DCC: variants seen among roughly 807,000 people sequenced by gnomAD.
DCC encodes netrin receptor DCC.
Under a neutral mutation model 172.5 loss-of-function variants are expected in DCC, and 58 were observed. The ratio of observed to expected loss-of-function variants is 0.34; its 90% confidence interval spans 0.27 to 0.42. The LOEUF is 0.42. Ranked by LOEUF, DCC falls within the 10% of genes least tolerant of loss-of-function variation. The pLI is 1.00. For synonymous variants in DCC, 709 were observed against 644.5 expected (o/e 1.10, Z -1.52); for missense variants, 1,740 against 1,791.0 (o/e 0.97, Z 0.51).
intron 27 of DCC, among the ~76,000 whole-genome samples, chr18:53,503,693 T>G (rs147907542): frequency 6.6e-6 from 1 of 152,292 alleles, no homozygotes; most frequent in East Asian, 1.9e-4. Flanking sequence ...TGAACCTGGG[T>G]TAGGAGACCA....
chr18:53,316,750 C>A (rs1036626714), intron 13 of DCC, among the ~76,000 whole-genome samples: 1 of 152,028 alleles, frequency 6.6e-6, no homozygotes, highest in Non-Finnish European at 1.5e-5. Context: ...TATGGTTAGG[C>A]TATTATCGGT....
At chr18:52,527,887 A>T (rs1309764266) in intron 1 of DCC, among the ~76,000 whole-genome samples, 1 of 152,200 alleles carries the variant, frequency 6.6e-6, no homozygotes, top group Non-Finnish European at 1.5e-5. Flanking sequence ...AACTGGTCAG[A>T]TCCCCAAAGA....
At chr18:52,686,400 G>T (rs2035835778) in intron 1 of DCC, among the ~76,000 whole-genome samples, 1 of 152,060 alleles carries the variant, frequency 6.6e-6, no homozygotes, top group Non-Finnish European at 1.5e-5. Context: ...GCTTCGAAAG[G>T]ATTTTCCTAG....
At chr18:52,699,671 G>A (rs964159111) in intron 1 of DCC, among the ~76,000 whole-genome samples, 1 of 152,120 alleles carries the variant, frequency 6.6e-6, no homozygotes, top group African/African-American at 2.4e-5. Flanking sequence ...AAGAAAGGTA[G>A]GCTTTCTGAG....
chr18:52,437,201 TG>T (rs1987823982), intron 1 of DCC, among the ~76,000 whole-genome samples: 1 of 152,084 alleles, frequency 6.6e-6, no homozygotes, highest in Non-Finnish European at 1.5e-5. Context: ...AATTGCCAAA[TG>T]GGGAAGACAT....
At chr18:52,613,806 G>T (rs763322123) in intron 1 of DCC, among the ~76,000 whole-genome samples, 2 of 152,080 alleles carry the variant, frequency 1.3e-5, no homozygotes, top group Non-Finnish European at 2.9e-5. Context: ...CTGGGTATTC[G>T]CTGAGAGCAA....
In DCC at chr18:52,340,705, C is replaced by A; in HGVS notation, c.-83C>A. On this transcript the variant is annotated 5_prime_UTR_variant, in exon 1 of 29. Transcript: ENST00000442544. ...CGAAGGGGCTCGGCGCGTGTGTGTG[C>A]ATGTGTGCATGCGTGTGTGAGTGCA... The A allele has an allele frequency of 1.1e-6, 1 of 943,318 alleles. No individual in the cohort carries two copies. The highest frequency in any genetic ancestry group is 1.8e-6 in the Non-Finnish European group (1 of 568,900). 58.4% of individuals were successfully genotyped at this position (943,318 alleles called of 1,614,324 possible). A position where few individuals can be genotyped will look rare whatever the true frequency, so the allele number is the denominator to read the frequency against.
chr18:52,793,638 A>G (rs2037817469), intron 2 of DCC, among the ~76,000 whole-genome samples: 1 of 152,144 alleles, frequency 6.6e-6, no homozygotes, highest in South Asian at 2.1e-4. Flanking sequence ...GAAGCTTTTT[A>G]GCTTAATGTA....
intron 7 of DCC, among the ~76,000 whole-genome samples, chr18:53,087,098 G>T (rs367838357): frequency 6.6e-6 from 1 of 151,848 alleles, no homozygotes; most frequent in Non-Finnish European, 1.5e-5. Flanking sequence ...ATGATTTATA[G>T]TCCTTTGGGT....
chr18:53,494,791 G>A (rs1442870947), intron 26 of DCC, among the ~76,000 whole-genome samples: 1 of 152,138 alleles, frequency 6.6e-6, no homozygotes, highest in Non-Finnish European at 1.5e-5. Context: ...GGAGAATTTA[G>A]CCTGTTTGCA....
intron 1 of DCC, among the ~76,000 whole-genome samples, chr18:52,421,282 C>T (rs560711264): frequency 1.3e-5 from 2 of 152,182 alleles, no homozygotes; most frequent in South Asian, 2.1e-4. Flanking sequence ...GTGTCTGATG[C>T]GCAATCAAGA....
rs114211073 is a variant in DCC at position 52,799,283 on chromosome 18, T to C, written c.412+46909T>C. 5.1e-3 allele frequency among the ~76,000 whole-genome samples: 777 copies of C among 152,342 alleles called. 6 individuals carry two copies. Among genetic ancestry groups the C allele is most frequent in the African/African-American group, 0.017 (715 of 41,584 alleles). On this transcript the variant is annotated intron_variant, in intron 2 of 28. Coordinates refer to ENST00000442544, the MANE Select transcript of DCC (RefSeq NM_005215.4). ...TTGTCCTGCATTGAACTGCTTCAGA[T>C]TGCTATAGTTTGAAGTTTGGGAATT...
intron 1 of DCC, among the ~76,000 whole-genome samples, chr18:52,391,949 G>C (rs561461417): frequency 2.7e-4 from 41 of 152,278 alleles, no homozygotes; most frequent in Middle Eastern, 3.4e-3. Context: ...ACACAAATCT[G>C]TGTATCAGCT....
At chr18:53,270,215 C>T (rs2056732946) in intron 12 of DCC, among the ~76,000 whole-genome samples, 3 of 152,132 alleles carry the variant, frequency 2.0e-5, no homozygotes, top group African/African-American at 7.2e-5. Flanking sequence ...AGTTTGACCA[C>T]TTACCTCAAA....
rs2042558985 is a variant in DCC at position 53,065,898 on chromosome 18, G to T, written c.1141-148G>T. 5.7e-6 allele frequency: 5 copies of T among 872,100 alleles called. No individual in the cohort carries two copies. In the South Asian group the frequency reaches 7.0e-5, roughly 12 times the overall value. The allele number at this position is 872,100 out of a possible 1,614,324, so 54.0% of individuals were successfully genotyped here. A position where few individuals can be genotyped will look rare whatever the true frequency, so the allele number is the denominator to read the frequency against. On this transcript the variant is annotated intron_variant, in intron 6 of 28. Coordinates refer to ENST00000442544, the MANE Select transcript of DCC (RefSeq NM_005215.4). ...GTATGACTTTTCCCAGGTGGCATAGGACACGTCTGCGAGGCTGAGACCCCT... is the reference window on the plus strand; with the variant it reads ...GTATGACTTTTCCCAGGTGGCATAGTACACGTCTGCGAGGCTGAGACCCCT...
chr18:52,847,587 T>C (rs1222396976), intron 2 of DCC, among the ~76,000 whole-genome samples: 1 of 152,210 alleles, frequency 6.6e-6, no homozygotes, highest in African/African-American at 2.4e-5. Flanking sequence ...ATAAAGATCG[T>C]ACCATCACTT....
chr18:52,889,228 A>AT (rs1311815495), intron 2 of DCC, among the ~76,000 whole-genome samples: 1 of 152,120 alleles, frequency 6.6e-6, no homozygotes, highest in East Asian at 1.9e-4. Context: ...ATGATTGAAT[A>AT]TATTTGATCA....
At chr18:52,427,413 G>C (rs1191492973) in intron 1 of DCC, among the ~76,000 whole-genome samples, 1 of 152,020 alleles carries the variant, frequency 6.6e-6, no homozygotes. Flanking sequence ...GAAAAAGGAG[G>C]ATATGGAAGG....
At chr18:52,578,502 A>G (rs2033469452) in intron 1 of DCC, among the ~76,000 whole-genome samples, 2 of 152,212 alleles carry the variant, frequency 1.3e-5, no homozygotes, top group South Asian at 4.1e-4. Context: ...TATGTGTGTT[A>G]TTTGTATGAA....
Sources: allele counts gnomAD v4.1 joint callset (sites outside exome capture counted in the v4.1 genomes callset), GRCh38; gene constraint gnomAD v4.1.1; transcripts MANE v1.5; gene names NCBI Gene and HGNC (gene_info 2026-07-23, HGNC 2026-07-21).